Variants in LRP1B observed in about 807,000 individuals in gnomAD.
LRP1B encodes LDL receptor related protein 1B.
In LRP1B, 217 loss-of-function variants were observed where a neutral mutation model predicts 556.6. The ratio of observed to expected loss-of-function variants is 0.39; its 90% CI spans 0.35 to 0.44. The LOEUF (loss-of-function observed/expected upper bound fraction) is 0.44, where lower values mean the gene tolerates loss of function less well. Among genes scored for constraint, LRP1B ranks in the 20% least tolerant of loss-of-function variants. The pLI is 1.00. For missense variants in LRP1B, 5,053 were observed against 5,620.8 expected, an observed-to-expected ratio of 0.90 and a Z score of 3.23; for synonymous variants, 2,047 against 1,865.8, an observed-to-expected ratio of 1.10 and a Z score of -2.50.
chr2:140,920,882 C>A (rs1694718587), intron 21 of LRP1B, among the ~76,000 whole-genome samples: 1 of 151,908 alleles, frequency 6.6e-6, no homozygotes, highest in Non-Finnish European at 1.5e-5. Flanking sequence ...AATCGATAAT[C>A]CAAATCTCAA....
intron 7 of LRP1B, among the ~76,000 whole-genome samples, chr2:141,139,082 G>A (rs1225486105): frequency 6.6e-6 from 1 of 151,792 alleles, no homozygotes; most frequent in African/African-American, 2.4e-5. Context: ...AGATATGAAG[G>A]CACTATAGTA....
At chr2:140,769,009 T>C (rs1689209748) in intron 35 of LRP1B, among the ~76,000 whole-genome samples, 1 of 132,626 alleles carries the variant, frequency 7.5e-6, no homozygotes, top group African/African-American at 2.7e-5. Context: ...TCAAATGCTA[T>C]ACTTTAGGAC....
rs556571205 is a variant in LRP1B at position 140,662,037 on chromosome 2, G to A, written c.6799+38213C>T. 5.9e-5 allele frequency among the ~76,000 whole-genome samples: 9 copies of A among 151,796 alleles called. No homozygotes were observed. In the South Asian group the frequency reaches 1.2e-3, roughly 21 times the overall value. ...TTAAAAACTTGGAAGTAACTCTAAC[G>A]AACAAGAATAAAGTAGCCATATGGA... On this transcript the variant is annotated intron_variant, in intron 41 of 90. Transcript: ENST00000389484.
At chr2:141,939,444 G>A (rs1397229093) in intron 1 of LRP1B, among the ~76,000 whole-genome samples, 1 of 152,024 alleles carries the variant, frequency 6.6e-6, no homozygotes, top group East Asian at 1.9e-4. Flanking sequence ...AGAAAAACTG[G>A]AAAAGGACAA....
intron 83 of LRP1B, among the ~76,000 whole-genome samples, chr2:140,310,840 C>CA (rs1684266984): frequency 6.6e-6 from 1 of 151,660 alleles, no homozygotes; most frequent in Non-Finnish European, 1.5e-5. Context: ...CTGGCCTAGG[C>CA]AAAAAATTTA....
intron 3 of LRP1B, among the ~76,000 whole-genome samples, chr2:141,396,780 C>G (rs1267528752): frequency 6.6e-6 from 1 of 151,846 alleles, no homozygotes; most frequent in South Asian, 2.1e-4. Context: ...TTAGACAAAA[C>G]GATCCCTAGA....
chr2:141,998,800 A>G (rs1037590281), intron 1 of LRP1B, among the ~76,000 whole-genome samples: 1 of 152,188 alleles, frequency 6.6e-6, no homozygotes, highest in African/African-American at 2.4e-5. Flanking sequence ...CCTGGAATCA[A>G]TAGAAAGAAA....
At chr2:140,994,735 T>C (rs1697192524) in intron 15 of LRP1B, among the ~76,000 whole-genome samples, 1 of 151,958 alleles carries the variant, frequency 6.6e-6, no homozygotes, top group Non-Finnish European at 1.5e-5. Context: ...ATACATACAA[T>C]AAAAATAATG....
chr2:140,555,607 G>A (rs150043947), intron 43 of LRP1B, among the ~76,000 whole-genome samples: 1 of 151,748 alleles, frequency 6.6e-6, no homozygotes, highest in East Asian at 1.9e-4. Flanking sequence ...TAAATAAGTT[G>A]GTTTAGACCT....
At chr2:141,575,440 C>A (rs1686701862) in intron 2 of LRP1B, among the ~76,000 whole-genome samples, 2 of 152,076 alleles carry the variant, frequency 1.3e-5, no homozygotes, top group South Asian at 4.1e-4. Context: ...CCCTTCCTTA[C>A]ACCTTATACT....
chr2:141,864,093 C>A (rs1254434536), intron 1 of LRP1B, among the ~76,000 whole-genome samples: 5 of 151,918 alleles, frequency 3.3e-5, no homozygotes, highest in Non-Finnish European at 7.4e-5. Flanking sequence ...ACAACAACAA[C>A]AAAAATTATG....
intron 11 of LRP1B, among the ~76,000 whole-genome samples, chr2:141,033,720 C>A (rs1698446173): frequency 1.3e-5 from 2 of 152,070 alleles, no homozygotes; most frequent in Admixed American, 1.3e-4. Context: ...CATGGGAACA[C>A]TGTGAGAAGG....
At chr2:142,005,892 A>G (rs2105145400) in intron 1 of LRP1B, among the ~76,000 whole-genome samples, 1 of 150,508 alleles carries the variant, frequency 6.6e-6, no homozygotes, top group South Asian at 2.2e-4. Flanking sequence ...TCATGAAAAA[A>G]AAAAAGAAAA....
chr2:141,554,908 C>A (rs1047199851), intron 2 of LRP1B, among the ~76,000 whole-genome samples: 9 of 151,930 alleles, frequency 5.9e-5, no homozygotes, highest in African/African-American at 1.9e-4. Flanking sequence ...AGAGGTAAGA[C>A]CAAAGACTCT....
At chr2:140,849,639 A>C (rs1692395251) in intron 29 of LRP1B, among the ~76,000 whole-genome samples, 1 of 152,040 alleles carries the variant, frequency 6.6e-6, no homozygotes, top group Admixed American at 6.6e-5. Flanking sequence ...TGCCAGGTTC[A>C]AGTGATTTTC....
chr2:141,117,490 C>T (rs1700935671), intron 7 of LRP1B, among the ~76,000 whole-genome samples: 1 of 151,816 alleles, frequency 6.6e-6, no homozygotes, highest in Non-Finnish European at 1.5e-5. Context: ...AAAGCAATTA[C>T]ACAAAAATTA....
chr2:140,660,850 A>G (rs1685065189), intron 41 of LRP1B, among the ~76,000 whole-genome samples: 1 of 146,710 alleles, frequency 6.8e-6, no homozygotes, highest in African/African-American at 2.6e-5. Flanking sequence ...ATTTCCCATT[A>G]GGTTCTTCCT....
rs2105098346 is a variant in LRP1B, at chr2:140,841,101, C to G, written c.4940-9G>C. On this transcript the variant is annotated splice_polypyrimidine_tract_variant and intron_variant, in intron 29 of 90. Coordinates refer to ENST00000389484, the MANE Select transcript of LRP1B (RefSeq NM_018557.3). ...TCTGATACTCTGAATATCTATAAAA[C>G]AGGAAAGAGAAGATTTAAAGGTGAA... The G allele has an allele frequency of 6.3e-7, 1 of 1,582,660 alleles. No individual in the cohort carries two copies. The highest frequency in any genetic ancestry group is 8.6e-7 in the Non-Finnish European group (1 of 1,161,772).
chr2:141,426,224 T>C (rs906137038), intron 3 of LRP1B, among the ~76,000 whole-genome samples: 7 of 151,938 alleles, frequency 4.6e-5, no homozygotes, highest in African/African-American at 1.7e-4. Flanking sequence ...AAAGATCAGA[T>C]AGTTGTAGAT....
Sources: allele counts gnomAD v4.1 joint callset (sites outside exome capture counted in the v4.1 genomes callset), GRCh38; gene constraint gnomAD v4.1.1; transcripts MANE v1.5; gene names NCBI Gene and HGNC (gene_info 2026-07-23, HGNC 2026-07-21).